The following OCLN variants were observed in gnomAD, a reference collection of about 807,000 sequenced individuals.
OCLN encodes the protein phosphatase 1, regulatory subunit 115.
In OCLN, 21 loss-of-function variants were observed where a neutral mutation model predicts 47.9. The ratio of observed to expected loss-of-function variants is 0.44; its 90% CI spans 0.31 to 0.63. The LOEUF (loss-of-function observed/expected upper bound fraction) is 0.63, where lower values mean the gene tolerates loss of function less well. Among genes scored for constraint, OCLN ranks in the 30% least tolerant of loss-of-function variants. The pLI is 0.08. For missense variants in OCLN, 360 were observed against 571.0 expected (o/e 0.63, Z 3.77); for synonymous variants, 117 against 198.4 (o/e 0.59, Z 3.45).
At chr5:69,516,389 C>G (rs917086055) in intron 4 of OCLN, among the ~76,000 whole-genome samples, 2 of 152,192 alleles carry the variant, frequency 1.3e-5, no homozygotes, top group South Asian at 2.1e-4. Context: ...CGCAGGCACT[C>G]GGCAGGCTGA....
Position 69,534,754 on chromosome 5 carries a change from A to G in OCLN, c.952A>G (p.Arg318Gly), listed in dbSNP as rs766388728. 1.7e-6 allele frequency: 2 copies of G among 1,160,118 alleles called. No individual in the cohort carries two copies. The highest frequency in any genetic ancestry group is 2.5e-6 in the Non-Finnish European group (2 of 805,498). The allele number at this position is 1,160,118 out of a possible 1,614,324, so 71.9% of individuals were successfully genotyped here. The change falls in exon 5 of 9, where the codon AGA becomes GGA. Residue 318 changes from arginine to glycine, a missense_variant. Coordinates refer to ENST00000396442, the MANE Select transcript of OCLN (RefSeq NM_001205254.2). Reference protein sequence around the residue: ...VPSPPSDYVERVDSPMAYSSN... With the variant: ...VPSPPSDYVEGVDSPMAYSSN... The stretch of plus-strand genomic sequence containing the variant: ...TTCACCCCCATCTGACTATGTGGAA[A>G]GAGTTGACAGTCCCATGGCATACTC...
chr5:69,502,123 C>T lies in OCLN; in HGVS notation c.-68-2054C>T, dbSNP rs183465231. On this transcript the variant is annotated intron_variant, in intron 1 of 8. Coordinates refer to ENST00000396442, the MANE Select transcript of OCLN (RefSeq NM_001205254.2). ...CTGAGGCAGGAGAATCGCTTGAAGC[C>T]GGGAGGCGGAGATTGCAGTGAGCTG... Among the ~76,000 whole-genome samples the T allele has an allele frequency of 8.8e-4, 133 of 151,222 alleles. 1 individual carries two copies. The highest frequency in any genetic ancestry group is 2.8e-3 in the African/African-American group (117 of 41,180).
At chr5:69,518,102 C>T (rs1047508699) in intron 4 of OCLN, among the ~76,000 whole-genome samples, 2 of 152,086 alleles carry the variant, frequency 1.3e-5, no homozygotes, top group African/African-American at 4.8e-5. Flanking sequence ...GTTCTAGTTG[C>T]TTTTGATAAT....
Position 69,536,648 on chromosome 5 carries a change from G to A in OCLN, c.1037+1809G>A, listed in dbSNP as rs549817851. Among the ~76,000 whole-genome samples the A allele has an allele frequency of 6.7e-5, 10 of 148,912 alleles. 1 individual carries two copies. The highest frequency in any genetic ancestry group is 2.0e-4 in the East Asian group (1 of 5,052). On this transcript the variant is annotated intron_variant, in intron 5 of 8. Coordinates refer to ENST00000396442, the MANE Select transcript of OCLN (RefSeq NM_001205254.2). ...ATCACACCAGTGCACTCCAGCCTGC[G>A]TGACAAAGTGAAACTCTGTCTCAAA...
intron 1 of OCLN, among the ~76,000 whole-genome samples, chr5:69,498,110 C>T (rs948927466): frequency 3.0e-4 from 45 of 150,852 alleles, no homozygotes; most frequent in Admixed American, 1.6e-3. Flanking sequence ...CCAGCCTGGG[C>T]GACAGAGCGA....
chr5:69,507,131 C>T (rs1259741553), intron 2 of OCLN, among the ~76,000 whole-genome samples: 2 of 152,054 alleles, frequency 1.3e-5, no homozygotes, highest in Admixed American at 6.6e-5. Flanking sequence ...TTTAGTTTTA[C>T]CTGTTTTATT....
chr5:69,527,797 A>T (rs1769322863), intron 4 of OCLN, among the ~76,000 whole-genome samples: 1 of 152,018 alleles, frequency 6.6e-6, no homozygotes, highest in South Asian at 2.1e-4. Flanking sequence ...GGGAGGGAGT[A>T]AATGAGTTGT....
chr5:69,555,659 A>G lies in OCLN; in HGVS notation c.*1988A>G, dbSNP rs560742776. On this transcript the variant is annotated 3_prime_UTR_variant, in exon 9 of 9. Transcript: ENST00000396442. ...TCACTGATTTATTTCTGCAAATTGA[A>G]TAAATTCTTAATTTTCTGCATGCAC... 6.6e-6 allele frequency: 1 copy of G among 152,218 alleles called. No homozygotes were observed. The highest frequency in any genetic ancestry group is 1.9e-4 in the East Asian group (1 of 5,188). 9.4% of individuals were successfully genotyped at this position (152,218 alleles called of 1,614,324 possible).
Position 69,493,768 on chromosome 5 carries a change from GCCCCGCGC to G in OCLN, c.-69+869_-69+876del, listed in dbSNP as rs1768212080. Among the ~76,000 whole-genome samples the G allele has an allele frequency of 6.6e-6, 1 of 152,206 alleles. No individual in the cohort carries two copies. The highest frequency in any genetic ancestry group is 1.5e-5 in the Non-Finnish European group (1 of 68,014). ...TTTGGGGACCTCCGGGACTGGGCCG[GCCCCGCGC>G]GCCAGCCATGTTGCCTGCGTCGGAG... On this transcript the variant is annotated intron_variant, in intron 1 of 8. Transcript: ENST00000396442. The surrounding 1 kb of genome is among the most constrained non-coding windows in gnomAD (Gnocchi z 5.3).
chr5:69,531,779 G>A (rs552593157), intron 4 of OCLN, among the ~76,000 whole-genome samples: 1 of 152,312 alleles, frequency 6.6e-6, no homozygotes, highest in South Asian at 2.1e-4. Flanking sequence ...TGAGGGGTAG[G>A]TAAATATCTT....
chr5:69,517,175 T>TG (rs1415968293), intron 4 of OCLN, among the ~76,000 whole-genome samples: 1 of 152,010 alleles, frequency 6.6e-6, no homozygotes, highest in Admixed American at 6.6e-5. Flanking sequence ...TTGAGCAGAT[T>TG]GATTTATTGT....
chr5:69,509,241 G>C lies in OCLN; in HGVS notation c.151G>C (p.Glu51Gln), dbSNP rs1212710060. Residue 51 changes from glutamate (E) to glutamine (Q), a missense_variant, in exon 3 of 9, where the codon GAA (glutamate) becomes CAA (glutamine). Physicochemically the swap from Glu to Gln is conservative, Grantham distance 29 (BLOSUM62 2). This residue lies in a region of OCLN where 314 missense variants were observed against 368.1 expected (regional missense o/e 0.85). Transcript: ENST00000396442. ...AGCCTACTCTTTTTACCCAGAAGAT[G>C]AAATTCTTCACTTCTACAAATGGAC... Reference protein sequence around the residue: ...QPAYSFYPEDEILHFYKWTSP... With the variant: ...QPAYSFYPEDQILHFYKWTSP... 6.2e-7 allele frequency: 1 copy of C among 1,614,146 alleles called. No homozygotes were observed. Among genetic ancestry groups the C allele is most frequent in the East Asian group, 2.2e-5 (1 of 44,894 alleles).
At chr5:69,500,780 T>C (rs925400620) in intron 1 of OCLN, among the ~76,000 whole-genome samples, 2 of 152,186 alleles carry the variant, frequency 1.3e-5, no homozygotes, top group Non-Finnish European at 2.9e-5. Context: ...GGATCTTGTT[T>C]GAATTTTTGA....
intron 2 of OCLN, among the ~76,000 whole-genome samples, chr5:69,505,487 T>A (rs995304727): frequency 2.0e-5 from 3 of 152,198 alleles, no homozygotes; most frequent in African/African-American, 7.2e-5. Context: ...TCTGTCTCTA[T>A]AGATTTGTCT....
chr5:69,494,842 A>G (rs1195894595), intron 1 of OCLN, among the ~76,000 whole-genome samples: 1 of 152,214 alleles, frequency 6.6e-6, no homozygotes, highest in Non-Finnish European at 1.5e-5. Flanking sequence ...CCGTGGGGGA[A>G]ACGTTGCAGG....
intron 1 of OCLN, among the ~76,000 whole-genome samples, chr5:69,495,755 CT>C (rs1768270283): frequency 6.6e-6 from 1 of 151,324 alleles, no homozygotes. Flanking sequence ...GGGGAGTTTG[CT>C]CTGAAAAAAA....
At chr5:69,509,005 C>T in intron 2 of OCLN, 136 bp from the exon 3 acceptor site, 1 of 763,386 alleles carries the variant, frequency 1.3e-6, no homozygotes, top group East Asian at 2.6e-5. Flanking sequence ...TTTTAACAAG[C>T]CCTCCAGGTG....
Position 69,509,713 on chromosome 5 carries a change from A to G in OCLN, c.623A>G (p.Tyr208Cys). ...ACTGCTCAGTCTTCTGGATCTCTAT[A>G]TGGTTCACAAATATATGCCCTCTGC... ...NPTAQSSGSL[Y>C]GSQIYALCNQ... is the part of the protein sequence containing the mutation. The change falls in exon 3 of 9, where the codon TAT becomes TGT. Residue 208 changes from tyrosine to cysteine, a missense_variant. Tyr to Cys is a radical substitution (Grantham distance 194). Transcript: ENST00000396442. 6.2e-7 allele frequency: 1 copy of G among 1,614,106 alleles called. No individual in the cohort carries two copies. Among genetic ancestry groups the G allele is most frequent in the Non-Finnish European group, 8.5e-7 (1 of 1,179,972 alleles).
At chr5:69,525,598 C>T (rs1769258080) in intron 4 of OCLN, among the ~76,000 whole-genome samples, 1 of 152,142 alleles carries the variant, frequency 6.6e-6, no homozygotes, top group African/African-American at 2.4e-5. Context: ...CTACTTTTTA[C>T]CTTTTGGCAA....
Sources: allele counts gnomAD v4.1 joint callset (sites outside exome capture counted in the v4.1 genomes callset), GRCh38; gene constraint gnomAD v4.1.1; regional missense constraint gnomAD v4.1.1; non-coding constraint Gnocchi (gnomAD v3.1); transcripts MANE v1.5; gene names NCBI Gene and HGNC (gene_info 2026-07-23, HGNC 2026-07-21).